Variants in RALYL observed in about 807,000 individuals in gnomAD.
RALYL encodes the protein RNA-binding Raly-like protein.
In RALYL, 29 loss-of-function variants were observed where a neutral mutation model predicts 35.1. That is an observed-to-expected ratio of 0.83 (90% confidence interval 0.61 to 1.13). RALYL has a LOEUF of 1.13. Among genes scored for constraint, RALYL ranks in the 50% most tolerant of loss-of-function variants. The probability of loss-of-function intolerance (pLI) is 0.00; values close to 1 mark genes in which losing one functional copy is unlikely to be tolerated. For missense variants in RALYL, 359 were observed against 360.4 expected (o/e 1.00, Z 0.03); for synonymous variants, 120 against 127.6 (o/e 0.94, Z 0.40).
chr8:84,236,639 T>A (rs560917927), intron 1 of RALYL, among the ~76,000 whole-genome samples: 40 of 152,286 alleles, frequency 2.6e-4, no homozygotes, highest in African/African-American at 9.1e-4. Context: ...AACTTAAAGA[T>A]TGCTCTGTGT....
intron 2 of RALYL, among the ~76,000 whole-genome samples, chr8:84,645,570 A>G (rs370639337): frequency 5.3e-5 from 8 of 151,932 alleles, no homozygotes; most frequent in African/African-American, 1.7e-4. Flanking sequence ...TATTATGTTT[A>G]CATATTATTC....
chr8:84,361,606 G>A (rs1853057511), intron 1 of RALYL, among the ~76,000 whole-genome samples: 1 of 152,150 alleles, frequency 6.6e-6, no homozygotes, highest in African/African-American at 2.4e-5. Flanking sequence ...TTAATCTAGT[G>A]ATGTAATTCT....
chr8:84,517,204 T>A (rs1379003925), intron 1 of RALYL, among the ~76,000 whole-genome samples: 1 of 152,184 alleles, frequency 6.6e-6, no homozygotes, highest in African/African-American at 2.4e-5. Context: ...AGGATTTGCT[T>A]GCAAAATCAA....
chr8:84,920,821 A>G (rs914336656), intron 8 of RALYL, 73 bp from the exon 9 acceptor site: 4 of 540,170 alleles, frequency 7.4e-6, no homozygotes, highest in Middle Eastern at 4.7e-4. Context: ...TCTAACTTAC[A>G]TATCAGTATA....
intron 2 of RALYL, among the ~76,000 whole-genome samples, chr8:84,716,086 A>C (rs1376538120): frequency 6.6e-6 from 1 of 152,124 alleles, no homozygotes; most frequent in African/African-American, 2.4e-5. Context: ...AGTAAACCTG[A>C]AACTGCCTTA....
intron 2 of RALYL, among the ~76,000 whole-genome samples, chr8:84,660,652 G>C (rs923863453): frequency 4.0e-5 from 6 of 151,160 alleles, no homozygotes; most frequent in African/African-American, 1.5e-4. Flanking sequence ...CAGTTTTAAG[G>C]TTTTCAACTT....
At chr8:84,497,535 G>A in intron 1 of RALYL, among the ~76,000 whole-genome samples, 1 of 151,640 alleles carries the variant, frequency 6.6e-6, no homozygotes, top group Non-Finnish European at 1.5e-5. Flanking sequence ...TATAAGTGAG[G>A]ATAGTATCAT....
chr8:84,718,219 C>G (rs1360533010), intron 2 of RALYL, among the ~76,000 whole-genome samples: 1 of 152,038 alleles, frequency 6.6e-6, no homozygotes, highest in African/African-American at 2.4e-5. Flanking sequence ...AGCATATATT[C>G]CATTACTTGT....
chr8:84,262,040 C>T (rs1832410316), intron 1 of RALYL, among the ~76,000 whole-genome samples: 1 of 152,066 alleles, frequency 6.6e-6, no homozygotes, highest in Non-Finnish European at 1.5e-5. Flanking sequence ...TACATCACTA[C>T]CATACTCAGA....
intron 2 of RALYL, among the ~76,000 whole-genome samples, chr8:84,661,343 A>T (rs531941809): frequency 6.6e-6 from 1 of 152,172 alleles, no homozygotes. Context: ...TGATAAATCA[A>T]TTTCATTCTG....
intron 4 of RALYL, among the ~76,000 whole-genome samples, chr8:84,835,683 CAAAAAA>C (rs5892932): frequency 1.4e-5 from 1 of 72,556 alleles, no homozygotes; most frequent in African/African-American, 5.2e-5. Flanking sequence ...AACTCCGTCT[CAAAAAA>C]AAAAAAAAAA....
At chr8:84,723,082 T>C (rs1008220392) in intron 2 of RALYL, among the ~76,000 whole-genome samples, 9 of 151,990 alleles carry the variant, frequency 5.9e-5, no homozygotes, top group African/African-American at 1.9e-4. Flanking sequence ...TTAAAGGACA[T>C]TGAAATAATT....
At chr8:84,791,250 A>G (rs1409454238) in intron 3 of RALYL, among the ~76,000 whole-genome samples, 1 of 152,140 alleles carries the variant, frequency 6.6e-6, no homozygotes, top group African/African-American at 2.4e-5. Context: ...AGGCAAAGTG[A>G]TGCCTGGGGA....
chr8:84,266,809 A>T (rs2131880574), intron 1 of RALYL, among the ~76,000 whole-genome samples: 1 of 151,850 alleles, frequency 6.6e-6, no homozygotes, highest in Non-Finnish European at 1.5e-5. Flanking sequence ...AAATACAAAA[A>T]ATTAGCCGGG....
At chr8:84,463,452 G>A (rs1477869820) in intron 1 of RALYL, among the ~76,000 whole-genome samples, 1 of 152,000 alleles carries the variant, frequency 6.6e-6, no homozygotes, top group Non-Finnish European at 1.5e-5. Context: ...GAGGTGCCTT[G>A]AGGGAATGTA....
At chr8:84,233,746 T>A (rs577836896) in intron 1 of RALYL, among the ~76,000 whole-genome samples, 3 of 152,304 alleles carry the variant, frequency 2.0e-5, no homozygotes, top group East Asian at 3.9e-4. Context: ...TATTCTGGGG[T>A]CTCATGGGTA....
At chr8:84,482,027 A>G (rs2054098830) in intron 1 of RALYL, among the ~76,000 whole-genome samples, 1 of 152,170 alleles carries the variant, frequency 6.6e-6, no homozygotes, top group Non-Finnish European at 1.5e-5. Flanking sequence ...TTGCAAGAAC[A>G]TGTTATTCTA....
chr8:84,774,702 T>A, intron 3 of RALYL, 48 bp downstream of exon 3: 4 of 1,277,650 alleles, frequency 3.1e-6, no homozygotes, highest in Non-Finnish European at 4.4e-6. Context: ...GAAATTTTCT[T>A]GCAGCTTTAT....
At chr8:84,626,137 A>G (rs1172364449) in intron 2 of RALYL, among the ~76,000 whole-genome samples, 1 of 152,222 alleles carries the variant, frequency 6.6e-6, no homozygotes, top group Admixed American at 6.5e-5. Context: ...GAGATAAGAG[A>G]TAACACTCAG....
Sources: gnomAD v4.1 joint callset for allele counts (sites outside exome capture counted in the v4.1 genomes callset) on GRCh38, gnomAD v4.1.1 for gene constraint, MANE v1.5 for transcripts, NCBI Gene and HGNC (gene_info 2026-07-23, HGNC 2026-07-21) for gene names.